The following NELL1 variants were observed in gnomAD, a reference collection of about 807,000 sequenced individuals.
The protein encoded by NELL1 is protein kinase C-binding protein NELL1.
A neutral mutation model predicts 107.4 loss-of-function variants in NELL1; 76 were observed. That is an observed-to-expected ratio of 0.71 (90% CI 0.59 to 0.86). The LOEUF (loss-of-function observed/expected upper bound fraction) is 0.86. Among genes scored for constraint, NELL1 ranks in the 40% least tolerant of loss-of-function variants. NELL1 has a pLI of 0.00. For synonymous variants in NELL1, 353 were observed against 341.2 expected (o/e 1.03, Z -0.38); for missense variants, 1,024 against 1,005.5 (o/e 1.02, Z -0.25).
intron 4 of NELL1, among the ~76,000 whole-genome samples, chr11:20,848,747 G>T (rs146792642): frequency 1.3e-5 from 2 of 152,098 alleles, no homozygotes; most frequent in African/African-American, 4.8e-5. Context: ...GCTTCAGACC[G>T]CATTTCTCAT....
At chr11:21,095,192 A>G (rs1854612094) in intron 12 of NELL1, among the ~76,000 whole-genome samples, 1 of 152,202 alleles carries the variant, frequency 6.6e-6, no homozygotes, top group Admixed American at 6.5e-5. Context: ...TTGCTAAAAC[A>G]TAACAAGAGT....
At chr11:20,940,665 T>G (rs1349902939) in intron 10 of NELL1, among the ~76,000 whole-genome samples, 2 of 152,090 alleles carry the variant, frequency 1.3e-5, no homozygotes, top group Non-Finnish European at 2.9e-5. Flanking sequence ...TATAAACTGG[T>G]CTCCGAAACG....
intron 13 of NELL1, among the ~76,000 whole-genome samples, chr11:21,123,366 T>TGTGTGTGTGC (rs1554970390): frequency 4.7e-5 from 7 of 148,440 alleles, no homozygotes; most frequent in African/African-American, 1.7e-4. Flanking sequence ...TGTGTGTGTG[T>TGTGTGTGTGC]GCGTTTCCAT....
At chr11:21,107,808 T>A (rs1377232694) in intron 12 of NELL1, among the ~76,000 whole-genome samples, 1 of 152,170 alleles carries the variant, frequency 6.6e-6, no homozygotes, top group African/African-American at 2.4e-5. Flanking sequence ...ACTCCCTGAA[T>A]GTATACGTGG....
intron 15 of NELL1, among the ~76,000 whole-genome samples, chr11:21,409,958 T>G (rs910569415): frequency 1.8e-4 from 27 of 152,096 alleles, no homozygotes; most frequent in African/African-American, 5.8e-4. Context: ...AAAATGAGTT[T>G]AAATTTTTTT....
chr11:21,546,111 C>G (rs145647339), intron 16 of NELL1, among the ~76,000 whole-genome samples: 1 of 152,114 alleles, frequency 6.6e-6, no homozygotes, highest in Non-Finnish European at 1.5e-5. Context: ...ATCTTGGCCA[C>G]TAACAATGTG....
intron 15 of NELL1, among the ~76,000 whole-genome samples, chr11:21,519,334 C>T (rs911596880): frequency 1.3e-5 from 2 of 152,142 alleles, no homozygotes; most frequent in Non-Finnish European, 2.9e-5. Flanking sequence ...TAAATACAGA[C>T]TACTGGGTTC....
At chr11:20,908,744 G>A (rs1207401095) in intron 5 of NELL1, among the ~76,000 whole-genome samples, 4 of 151,970 alleles carry the variant, frequency 2.6e-5, no homozygotes, top group Non-Finnish European at 5.9e-5. Flanking sequence ...ATAAAATCAC[G>A]CAGCTGCTGT....
intron 14 of NELL1, among the ~76,000 whole-genome samples, chr11:21,340,213 C>T (rs761514768): frequency 2.0e-5 from 3 of 152,094 alleles, no homozygotes; most frequent in Non-Finnish European, 2.9e-5. Context: ...AGTGCAATGG[C>T]GCGATCTTGG....
intron 13 of NELL1, among the ~76,000 whole-genome samples, chr11:21,177,575 A>C (rs762553272): frequency 6.6e-6 from 1 of 151,856 alleles, no homozygotes; most frequent in Non-Finnish European, 1.5e-5. Context: ...ACTGAAATGC[A>C]CATGCAAGTG....
intron 14 of NELL1, among the ~76,000 whole-genome samples, chr11:21,303,451 T>C (rs969511323): frequency 4.6e-5 from 7 of 152,020 alleles, no homozygotes; most frequent in Non-Finnish European, 1.0e-4. Flanking sequence ...AGAATTGCTA[T>C]TATTAAAAAG....
intron 3 of NELL1, among the ~76,000 whole-genome samples, chr11:20,814,240 C>T (rs547820297): frequency 9.2e-5 from 14 of 152,254 alleles, no homozygotes; most frequent in East Asian, 5.8e-4. Flanking sequence ...GTGATCCGCC[C>T]GCCTCGGCCT....
intron 15 of NELL1, among the ~76,000 whole-genome samples, chr11:21,457,334 G>T (rs1174763626): frequency 2.6e-5 from 4 of 152,162 alleles, no homozygotes; most frequent in Non-Finnish European, 5.9e-5. Flanking sequence ...TAGAAGAAAA[G>T]TTAAATGGAA....
intron 16 of NELL1, among the ~76,000 whole-genome samples, chr11:21,534,828 G>T: frequency 6.6e-6 from 1 of 152,008 alleles, no homozygotes; most frequent in Non-Finnish European, 1.5e-5. Context: ...TGAAATTTTT[G>T]ACAGTTTGGG....
intron 12 of NELL1, among the ~76,000 whole-genome samples, chr11:21,002,359 G>A (rs529899875): frequency 1.5e-4 from 16 of 103,758 alleles, no homozygotes; most frequent in East Asian, 1.0e-3. Flanking sequence ...TGACTATTCC[G>A]TCTTTGGTAA....
intron 12 of NELL1, among the ~76,000 whole-genome samples, chr11:21,104,331 A>G (rs1017409172): frequency 1.3e-5 from 2 of 152,216 alleles, no homozygotes; most frequent in Non-Finnish European, 2.9e-5. Flanking sequence ...GGTTGGGAAG[A>G]AAGTCATGGG....
intron 13 of NELL1, among the ~76,000 whole-genome samples, chr11:21,184,995 G>A (rs538408095): frequency 5.9e-5 from 9 of 151,742 alleles, no homozygotes; most frequent in Non-Finnish European, 8.8e-5. Flanking sequence ...ACAGCCAATC[G>A]CATAAGAATT....
At chr11:20,900,042 G>T (rs1849838379) in intron 5 of NELL1, among the ~76,000 whole-genome samples, 1 of 152,134 alleles carries the variant, frequency 6.6e-6, no homozygotes, top group African/African-American at 2.4e-5. Context: ...ACAATTTTGT[G>T]CATTAGCAAT....
At chr11:20,927,148 A>G (rs1159068235) in intron 7 of NELL1, 160 bp from the exon 8 acceptor site, 2 of 620,472 alleles carry the variant, frequency 3.2e-6, no homozygotes, top group African/African-American at 3.8e-5. Flanking sequence ...CTTGTGTAAA[A>G]AAAATAAAAA....
Sources: allele counts gnomAD v4.1 joint callset (sites outside exome capture counted in the v4.1 genomes callset), GRCh38; gene constraint gnomAD v4.1.1; transcripts MANE v1.5; gene names NCBI Gene and HGNC (gene_info 2026-07-23, HGNC 2026-07-21).